LRRC4C: variants seen among roughly 807,000 people sequenced by gnomAD.
LRRC4C encodes leucine rich repeat containing 4C.
A neutral mutation model predicts 33.6 loss-of-function variants in LRRC4C; 5 were observed. The ratio of observed to expected loss-of-function variants is 0.15; its 90% CI spans 0.08 to 0.31. The LOEUF is 0.31. Ranked by LOEUF, LRRC4C falls within the 10% of genes least tolerant of loss-of-function variation. The pLI is 1.00. For synonymous variants in LRRC4C, 329 were observed against 302.0 expected (o/e 1.09, Z -0.93); for missense variants, 560 against 796.7 (o/e 0.70, Z 3.58).
chr11:41,279,128 A>C (rs1333356104), intron 1 of LRRC4C, among the ~76,000 whole-genome samples: 2 of 152,128 alleles, frequency 1.3e-5, no homozygotes, highest in Non-Finnish European at 2.9e-5. Flanking sequence ...GCTACTGTGA[A>C]GTACAAGATT....
chr11:40,437,121 A>C (rs1951174773), intron 3 of LRRC4C, among the ~76,000 whole-genome samples: 1 of 152,314 alleles, frequency 6.6e-6, no homozygotes, highest in African/African-American at 2.4e-5. Context: ...AGAGCGAATC[A>C]TGTTCTCCTA....
chr11:41,346,608 T>A (rs886507115), intron 1 of LRRC4C, among the ~76,000 whole-genome samples: 1 of 152,198 alleles, frequency 6.6e-6, no homozygotes, highest in Admixed American at 6.5e-5. Flanking sequence ...TTGTATAAGA[T>A]ATCCTAGAAG....
intron 4 of LRRC4C, among the ~76,000 whole-genome samples, chr11:40,306,467 A>G (rs1945036634): frequency 6.6e-6 from 1 of 152,148 alleles, no homozygotes; most frequent in Admixed American, 6.5e-5. Flanking sequence ...CCACACATTC[A>G]TTTATGTTCC....
chr11:40,987,705 G>T (rs1339521786), intron 1 of LRRC4C, among the ~76,000 whole-genome samples: 4 of 138,324 alleles, frequency 2.9e-5, no homozygotes, highest in African/African-American at 5.4e-5. Context: ...ATATATATGA[G>T]ATATATATGA....
intron 5 of LRRC4C, among the ~76,000 whole-genome samples, chr11:40,220,260 G>A (rs1864304062): frequency 1.3e-5 from 2 of 152,118 alleles, no homozygotes; most frequent in African/African-American, 4.8e-5. Context: ...TGACAGAAAA[G>A]TCTGTCGACT....
At chr11:40,780,446 C>A (rs1393150172) in intron 2 of LRRC4C, among the ~76,000 whole-genome samples, 1 of 151,994 alleles carries the variant, frequency 6.6e-6, no homozygotes, top group Non-Finnish European at 1.5e-5. Context: ...TAAGAAAGAT[C>A]TTGAGAAAGG....
At position 41,030,445 on chromosome 11, in the gene LRRC4C, C is replaced by A. The variant is rs1590292302; in HGVS notation, c.-495-96722G>T. On this transcript the variant is annotated intron_variant, in intron 1 of 6. Transcript: ENST00000528697. ...CTCAATGACACCCTTAGGGACTGACCTTCTTTCACTGTATCAAAAGCCTAG... is the reference window on the plus strand; with the variant it reads ...CTCAATGACACCCTTAGGGACTGACATTCTTTCACTGTATCAAAAGCCTAG... Among the ~76,000 whole-genome samples, 9 of 151,880 alleles carry A rather than the reference C, an allele frequency of 5.9e-5. 1 individual carries two copies. In the South Asian group the frequency reaches 1.9e-3, roughly 31 times the overall value.
intron 1 of LRRC4C, among the ~76,000 whole-genome samples, chr11:41,058,152 C>T (rs1456265510): frequency 6.6e-6 from 1 of 152,248 alleles, no homozygotes; most frequent in Non-Finnish European, 1.5e-5. Context: ...GAAAGAAGAA[C>T]TGCGATTCTT....
intron 1 of LRRC4C, among the ~76,000 whole-genome samples, chr11:41,288,557 C>T (rs555091237): frequency 5.3e-5 from 8 of 152,244 alleles, no homozygotes; most frequent in African/African-American, 1.9e-4. Flanking sequence ...ATATATCACA[C>T]TTAGTAAATA....
chr11:40,770,774 C>A (rs925575388), intron 2 of LRRC4C, among the ~76,000 whole-genome samples: 1 of 152,172 alleles, frequency 6.6e-6, no homozygotes, highest in Non-Finnish European at 1.5e-5. Context: ...CAAAATCTAG[C>A]GAGGTGGTCA....
At chr11:40,588,948 A>T (rs1396752605) in intron 3 of LRRC4C, among the ~76,000 whole-genome samples, 2 of 152,092 alleles carry the variant, frequency 1.3e-5, no homozygotes, top group Non-Finnish European at 2.9e-5. Flanking sequence ...AAAAATGTAC[A>T]TTCTGTTGAT....
chr11:41,273,441 A>G (rs1227707492), intron 1 of LRRC4C, among the ~76,000 whole-genome samples: 2 of 152,196 alleles, frequency 1.3e-5, no homozygotes, highest in Non-Finnish European at 2.9e-5. Flanking sequence ...AACCATTTGC[A>G]TCAACATGGA....
intron 1 of LRRC4C, among the ~76,000 whole-genome samples, chr11:41,036,147 T>G (rs1857052389): frequency 6.6e-6 from 1 of 152,136 alleles, no homozygotes; most frequent in African/African-American, 2.4e-5. Flanking sequence ...ATGTGAATAA[T>G]TATTCAATAA....
At chr11:40,347,493 G>A (rs1446737752) in intron 3 of LRRC4C, among the ~76,000 whole-genome samples, 1 of 151,784 alleles carries the variant, frequency 6.6e-6, no homozygotes, top group Non-Finnish European at 1.5e-5. Flanking sequence ...TTTTTTCTTT[G>A]ATTTCACAAC....
At chr11:40,955,190 T>C (rs992386633) in intron 1 of LRRC4C, among the ~76,000 whole-genome samples, 2 of 151,842 alleles carry the variant, frequency 1.3e-5, no homozygotes, top group African/African-American at 4.8e-5. Flanking sequence ...TGAAGACTAT[T>C]CAAGGGTCTA....
chr11:40,985,041 T>C (rs186334881), intron 1 of LRRC4C, among the ~76,000 whole-genome samples: 175 of 151,480 alleles, frequency 1.2e-3, no homozygotes, highest in African/African-American at 4.0e-3. Flanking sequence ...CTGACACTTA[T>C]TAATTAAACT....
intron 1 of LRRC4C, among the ~76,000 whole-genome samples, chr11:41,445,443 G>C (rs1955790806): frequency 6.6e-6 from 1 of 152,142 alleles, no homozygotes; most frequent in African/African-American, 2.4e-5. Flanking sequence ...ATTTTTAAGG[G>C]ATGGAGTAGG....
intron 1 of LRRC4C, among the ~76,000 whole-genome samples, chr11:41,098,673 T>C (rs1363066460): frequency 2.6e-5 from 4 of 152,166 alleles, no homozygotes; most frequent in African/African-American, 9.6e-5. Context: ...AGACCTTGTA[T>C]TGGCATAAAC....
At chr11:40,274,485 A>G (rs1942954797) in intron 4 of LRRC4C, among the ~76,000 whole-genome samples, 1 of 150,586 alleles carries the variant, frequency 6.6e-6, no homozygotes, top group Non-Finnish European at 1.5e-5. Context: ...CAATATGAAG[A>G]AGGACTTGGC....
Sources: gnomAD v4.1 joint callset for allele counts (sites outside exome capture counted in the v4.1 genomes callset) on GRCh38, gnomAD v4.1.1 for gene constraint, MANE v1.5 for transcripts, NCBI Gene and HGNC (gene_info 2026-07-23, HGNC 2026-07-21) for gene names.